Variants in EFHC2 observed in about 807,000 individuals in gnomAD.
EFHC2 encodes EF-hand domain-containing family member C2.
A neutral mutation model predicts 52.7 loss-of-function variants in EFHC2; 18 were observed. The ratio of observed to expected loss-of-function variants is 0.34; its 90% CI spans 0.24 to 0.51. The LOEUF (loss-of-function observed/expected upper bound fraction) is 0.51. Ranked by LOEUF, EFHC2 falls within the 20% of genes least tolerant of loss-of-function variation. The pLI, the probability that EFHC2 is intolerant of heterozygous loss-of-function variation, is 0.97. For missense variants in EFHC2, 513 were observed against 562.5 expected (o/e 0.91, Z 0.89); for synonymous variants, 203 against 204.1 (o/e 0.99, Z 0.04).
chrX:44,316,549 G>T (rs2037984021), intron 1 of EFHC2, among the ~76,000 whole-genome samples: 1 of 111,225 alleles, frequency 9.0e-6, no homozygotes, highest in South Asian at 3.7e-4. Flanking sequence ...TATCAAGAGA[G>T]TGAAAAAATC....
At chrX:44,319,199 C>T (rs188202818) in intron 1 of EFHC2, among the ~76,000 whole-genome samples, 2,923 of 109,325 alleles carry the variant, frequency 0.027, 92 homozygotes, top group African/African-American at 0.094. Flanking sequence ...AACGGGGTTT[C>T]ACCACGTTGG....
At chrX:44,158,887 A>G (rs2036629560) in intron 14 of EFHC2, among the ~76,000 whole-genome samples, 1 of 112,018 alleles carries the variant, frequency 8.9e-6, no homozygotes. Context: ...GCTGTGATAT[A>G]CTACCCAGAA....
intron 3 of EFHC2, among the ~76,000 whole-genome samples, chrX:44,269,186 T>C (rs911794141): frequency 2.7e-5 from 3 of 110,555 alleles, no homozygotes; most frequent in African/African-American, 9.9e-5. Flanking sequence ...CCATTTCTAG[T>C]CTTGACTTTT....
chrX:44,255,194 G>A (rs1323081793), intron 4 of EFHC2, among the ~76,000 whole-genome samples: 1 of 112,053 alleles, frequency 8.9e-6, no homozygotes, highest in Non-Finnish European at 1.9e-5. Context: ...GACCATTGAT[G>A]CTATGAAGAA....
chrX:44,270,053 G>A (rs761306172), intron 3 of EFHC2, among the ~76,000 whole-genome samples: 2 of 111,450 alleles, frequency 1.8e-5, no homozygotes, highest in South Asian at 7.6e-4. Context: ...TTTCTAGCCT[G>A]AACAATTGCA....
In EFHC2 at chrX:44,232,508, T is replaced by A; in HGVS notation, c.1593A>T (p.Leu531Phe). Residue 531 changes from leucine to phenylalanine, a missense_variant, in exon 10 of 15, where the codon TTA (leucine) becomes TTT (phenylalanine). Physicochemically the swap from Leu to Phe is conservative, Grantham distance 22. Transcript: ENST00000420999. ...TATCTGTATTCTGCTCCATGTAGTT[T>A]AAGGTATACTCATCAGCATTGAGCA... ...FRLLNADEYT[L>F]NYMEQNTDKY... The A allele has an allele frequency of 8.7e-7, 1 of 1,145,039 alleles. No individual in the cohort carries two copies. The highest frequency in any genetic ancestry group is 1.8e-5 in the African/African-American group (1 of 55,750). 94.4% of individuals were successfully genotyped at this position (1,145,039 alleles called of 1,213,427 possible). A position where few individuals can be genotyped will look rare whatever the true frequency, so the allele number is the denominator to read the frequency against.
At chrX:44,183,622 T>C (rs909584981) in intron 11 of EFHC2, among the ~76,000 whole-genome samples, 1 of 111,956 alleles carries the variant, frequency 8.9e-6, no homozygotes, top group African/African-American at 3.3e-5. Flanking sequence ...TTTAATGCCA[T>C]GTACAAAGCT....
intron 14 of EFHC2, 144 bp downstream of exon 14, chrX:44,163,778 C>A: frequency 2.2e-6 from 1 of 448,188 alleles, no homozygotes; most frequent in Non-Finnish European, 3.8e-6. Flanking sequence ...TAACCTTTAA[C>A]ACAAATGCCC....
At chrX:44,172,393 G>A (rs780764900) in intron 13 of EFHC2, among the ~76,000 whole-genome samples, 4 of 112,457 alleles carry the variant, frequency 3.6e-5, no homozygotes, top group Non-Finnish European at 5.6e-5. Flanking sequence ...TATTACAGAG[G>A]AATATGAATA....
chrX:44,213,565 A>G (rs2037118535), intron 11 of EFHC2, among the ~76,000 whole-genome samples: 1 of 112,279 alleles, frequency 8.9e-6, no homozygotes, highest in South Asian at 3.7e-4. Context: ...GGTAGATTTT[A>G]AAATTTTCTG....
At chrX:44,227,279 T>C (rs773862654) in intron 11 of EFHC2, among the ~76,000 whole-genome samples, 1 of 111,669 alleles carries the variant, frequency 9.0e-6, no homozygotes, top group African/African-American at 3.3e-5. Context: ...TAGGGTATGA[T>C]GTGATAGACA....
chrX:44,237,022 T>TC (rs1431566523), intron 8 of EFHC2, among the ~76,000 whole-genome samples: 9 of 111,041 alleles, frequency 8.1e-5, no homozygotes, highest in Non-Finnish European at 1.1e-4. Flanking sequence ...CTTTTTTTTT[T>TC]CACCTAAATC....
intron 9 of EFHC2, 110 bp from the exon 10 acceptor site, chrX:44,232,787 TG>T: frequency 1.6e-6 from 1 of 638,434 alleles, no homozygotes; most frequent in Non-Finnish European, 2.3e-6. Context: ...AAGTTACCTG[TG>T]AACTCATATT....
Position 44,147,966 on chromosome X carries a change from A to G in EFHC2, c.*829T>C, listed in dbSNP as rs761691469. ...AATAAAAATAGAACTAGAAAAATGC[A>G]GGGGAAAAATGTTGTAGTTTCTGAA... On this transcript the variant is annotated 3_prime_UTR_variant, in exon 15 of 15. Coordinates refer to ENST00000420999, the MANE Select transcript of EFHC2 (RefSeq NM_025184.4). The G allele has an allele frequency of 1.8e-5, 2 of 110,753 alleles. No individual in the cohort carries two copies. Among genetic ancestry groups the G allele is most frequent in the Non-Finnish European group, 3.8e-5 (2 of 52,928 alleles). The allele number at this position is 110,753 out of a possible 1,213,427, so 9.1% of individuals were successfully genotyped here.
In EFHC2 at chrX:44,204,965, T is replaced by C. The variant is rs6609285; in HGVS notation, c.1751+24684A>G. 4.4e-3 allele frequency among the ~76,000 whole-genome samples: 492 copies of C among 111,422 alleles called. 16 individuals are homozygous for C. The East Asian group carries it at 0.11, about 24-fold the overall frequency. On this transcript the variant is annotated intron_variant, in intron 11 of 14. Transcript: ENST00000420999. Reference sequence around the variant, plus strand: ...TGAGGTCAAAACATAAGGAAAAATTTTAAAAGCAGCTAGAGAAAAGGGCCA... The same window carrying C: ...TGAGGTCAAAACATAAGGAAAAATTCTAAAAGCAGCTAGAGAAAAGGGCCA...
rs1165513861 is a variant in EFHC2 at position 44,248,239 on chromosome X, A to G, written c.1111+33T>C. 2.8e-6 allele frequency: 3 copies of G among 1,079,929 alleles called. No homozygotes were observed. The East Asian group carries it at 1.0e-4, about 36-fold the overall frequency. 89.0% of individuals were successfully genotyped at this position (1,079,929 alleles called of 1,213,427 possible). On this transcript the variant is annotated intron_variant, in intron 7 of 14. Transcript: ENST00000420999. ...TTAGGGAACAAACAATTTAATTTTA[A>G]AAATATTTTTAATTGACATATGTAT...
At chrX:44,342,851 G>A (rs897031615) in intron 1 of EFHC2, among the ~76,000 whole-genome samples, 13 of 97,765 alleles carry the variant, frequency 1.3e-4, no homozygotes, top group Non-Finnish European at 6.1e-5. Flanking sequence ...ACTCCAGCCT[G>A]GGCGACAGAG....
At chrX:44,320,263 C>T (rs1398960876) in intron 1 of EFHC2, among the ~76,000 whole-genome samples, 2 of 111,935 alleles carry the variant, frequency 1.8e-5, no homozygotes, top group Non-Finnish European at 3.8e-5. Context: ...AAGTTTAAAG[C>T]ACCTGGGAGG....
intron 8 of EFHC2, among the ~76,000 whole-genome samples, chrX:44,239,078 G>A (rs2037341511): frequency 2.7e-5 from 3 of 111,428 alleles, no homozygotes; most frequent in African/African-American, 9.8e-5. Flanking sequence ...TAGAGCTATA[G>A]AGTCTTATGG....
Sources: gnomAD v4.1 joint callset for allele counts (sites outside exome capture counted in the v4.1 genomes callset) on GRCh38, gnomAD v4.1.1 for gene constraint, MANE v1.5 for transcripts, NCBI Gene and HGNC (gene_info 2026-07-23, HGNC 2026-07-21) for gene names.